Variants in PI15 observed in about 807,000 individuals in gnomAD.
The protein encoded by PI15 is 25 kDa trypsin inhibitor.
In PI15, 18 loss-of-function variants were observed where a neutral mutation model predicts 31.0. That is an observed-to-expected ratio of 0.58 (90% confidence interval 0.40 to 0.86). PI15 has a LOEUF of 0.86. PI15 is among the 40% of genes least tolerant of loss of function. The pLI is 0.00. For synonymous variants in PI15, 118 were observed against 119.1 expected, an observed-to-expected ratio of 0.99 and a Z score of 0.06; for missense variants, 282 against 328.1, an observed-to-expected ratio of 0.86 and a Z score of 1.09.
At chr8:74,848,722 T>C (rs1025310264) in intron 5 of PI15, among the ~76,000 whole-genome samples, 2 of 143,058 alleles carry the variant, frequency 1.4e-5, no homozygotes, top group African/African-American at 5.3e-5. Context: ...TAAATATATA[T>C]ATATATATAT....
rs139424367 is a variant in PI15, at chr8:74,827,478, G to T, written c.273+1956G>T. The stretch of plus-strand genomic sequence containing the variant: ...AAGGACTTGACTAATTGTTTCCATA[G>T]ACGATCTCATTTGATAGCTCACATT... On this transcript the variant is annotated intron_variant, in intron 2 of 5. Transcript: ENST00000260113. Among the ~76,000 whole-genome samples the T allele has an allele frequency of 7.9e-3, 1,209 of 152,100 alleles. 7 individuals carry two copies. Among genetic ancestry groups the T allele is most frequent in the Non-Finnish European group, 0.011 (752 of 67,978 alleles).
chr8:74,854,816 C>G lies in PI15; in HGVS notation c.*5563C>G, dbSNP rs1811157874. On this transcript the variant is annotated 3_prime_UTR_variant, in exon 6 of 6. Transcript: ENST00000260113. ...TTATATAATCCTCAAATATACTGTA[C>G]CATTTTAGATATTTTTTAAACAGAT... 6.6e-6 allele frequency: 1 copy of G among 151,934 alleles called. No homozygotes were observed. The highest frequency in any genetic ancestry group is 1.9e-4 in the East Asian group (1 of 5,180). 9.4% of individuals were successfully genotyped at this position (151,934 alleles called of 1,614,324 possible).
rs2128762914 is a variant in PI15 at position 74,825,223 on chromosome 8, G to A, written c.-27G>A. The A allele has an allele frequency of 6.2e-7, 1 of 1,608,064 alleles. No individual in the cohort carries two copies. The highest frequency in any genetic ancestry group is 8.5e-7 in the Non-Finnish European group (1 of 1,175,878). ...TCTGCTTTAAAGCAAAGTAAACTCG[G>A]TGGCCTCTTCTTCTCCACCCCTCAA... On this transcript the variant is annotated 5_prime_UTR_variant, in exon 2 of 6. It adds an upstream start codon to the 5' untranslated region. Coordinates refer to ENST00000260113, the MANE Select transcript of PI15 (RefSeq NM_015886.5).
At chr8:74,830,952 C>T (rs1321978611) in intron 2 of PI15, among the ~76,000 whole-genome samples, 1 of 152,136 alleles carries the variant, frequency 6.6e-6, no homozygotes, top group Non-Finnish European at 1.5e-5. Flanking sequence ...TTCCTGCTCT[C>T]CTGGATGTAA....
rs558524153 is a variant in PI15, at chr8:74,853,955, G to T, written c.*4702G>T. 289 of 151,874 alleles carry T rather than the reference G, an allele frequency of 1.9e-3. 2 individuals carry two copies. The highest frequency in any genetic ancestry group is 6.4e-3 in the African/African-American group (266 of 41,478). The allele number at this position is 151,874 out of a possible 1,614,324, so 9.4% of individuals were successfully genotyped here. A position where few individuals can be genotyped will look rare whatever the true frequency, so the allele number is the denominator to read the frequency against. On this transcript the variant is annotated 3_prime_UTR_variant, in exon 6 of 6. Coordinates refer to ENST00000260113, the MANE Select transcript of PI15 (RefSeq NM_015886.5). ...AGGTATAATTGTCTCACTTTCAGAA[G>T]TGATCATTTATTTTTATTTAGCACA...
chr8:74,829,621 C>T (rs1412743571), intron 2 of PI15, among the ~76,000 whole-genome samples: 1 of 152,078 alleles, frequency 6.6e-6, no homozygotes, highest in African/African-American at 2.4e-5. Context: ...AGAAAACAAA[C>T]ATTTTTGTCT....
At chr8:74,840,594 C>T (rs896128803) in intron 2 of PI15, among the ~76,000 whole-genome samples, 2 of 152,188 alleles carry the variant, frequency 1.3e-5, no homozygotes, top group African/African-American at 4.8e-5. Flanking sequence ...TTTCACAGCT[C>T]ACTACTCAAG....
chr8:74,843,603 C>T (rs575561156), intron 2 of PI15, among the ~76,000 whole-genome samples: 2 of 152,264 alleles, frequency 1.3e-5, no homozygotes, highest in South Asian at 4.1e-4. Context: ...GTAGTGCGCA[C>T]CTGCAATCCT....
At chr8:74,849,075 G>A in intron 5 of PI15, 43 bp from the exon 6 acceptor site, 1 of 1,574,826 alleles carries the variant, frequency 6.3e-7, no homozygotes, top group Non-Finnish European at 8.7e-7. Context: ...TTTAAAAAAT[G>A]GGTGGGTTGC....
intron 2 of PI15, among the ~76,000 whole-genome samples, chr8:74,842,457 G>A (rs1301860371): frequency 3.9e-5 from 6 of 152,016 alleles, no homozygotes; most frequent in African/African-American, 1.4e-4. Context: ...ATTGAACTAT[G>A]AAACCAATTT....
intron 2 of PI15, chr8:74,826,404 A>T (rs1810701105): frequency 3.1e-6 from 1 of 320,842 alleles, no homozygotes; most frequent in Admixed American, 6.5e-5. Context: ...GTGCTGAATT[A>T]AAATTTGGGA....
intron 2 of PI15, among the ~76,000 whole-genome samples, chr8:74,830,983 T>A (rs1159382223): frequency 6.6e-6 from 1 of 152,152 alleles, no homozygotes; most frequent in Non-Finnish European, 1.5e-5. Context: ...ATGTCTTGGC[T>A]TCAGAAAGAG....
intron 2 of PI15, among the ~76,000 whole-genome samples, chr8:74,832,767 C>A (rs1345478270): frequency 6.6e-6 from 1 of 151,986 alleles, no homozygotes; most frequent in Non-Finnish European, 1.5e-5. Flanking sequence ...TCCATAGTAT[C>A]TGAAATCAGG....
Position 74,828,364 on chromosome 8 carries a change from T to C in PI15, c.273+2842T>C, listed in dbSNP as rs1198663740. On this transcript the variant is annotated intron_variant, in intron 2 of 5. Transcript: ENST00000260113. ...AGTTCAGTTAGAAAAATGTGCTCAA[T>C]TGAGTGAAATCATAAGTTAGAAGGA... 2.6e-5 allele frequency among the ~76,000 whole-genome samples: 4 copies of C among 151,948 alleles called. No homozygotes were observed. The South Asian group carries it at 6.2e-4, about 24-fold the overall frequency.
chr8:74,852,020 C>T lies in PI15; in HGVS notation c.*2767C>T, dbSNP rs1811115263. ...GCAAATGAAAGTTTGCTGGTATCAA[C>T]ACAGCCTGCCATATTTTTCACAGCA... On this transcript the variant is annotated 3_prime_UTR_variant, in exon 6 of 6. Coordinates refer to ENST00000260113, the MANE Select transcript of PI15 (RefSeq NM_015886.5). The T allele has an allele frequency of 6.6e-6, 1 of 152,510 alleles. No homozygotes were observed. The highest frequency in any genetic ancestry group is 1.5e-5 in the Non-Finnish European group (1 of 67,972). 9.4% of individuals were successfully genotyped at this position (152,510 alleles called of 1,614,324 possible).
chr8:74,844,879 C>T (rs879940054), intron 3 of PI15: 2 of 421,636 alleles, frequency 4.7e-6, no homozygotes, highest in African/African-American at 2.0e-5. Flanking sequence ...GCATTTTCTT[C>T]GTGGAATGAC....
rs773725218 is a variant in PI15 at position 74,825,530 on chromosome 8, G to A, written c.273+8G>A. The A allele has an allele frequency of 3.3e-6, 5 of 1,523,014 alleles. No individual in the cohort carries two copies. Among genetic ancestry groups the A allele is most frequent in the South Asian group, 1.1e-5 (1 of 87,166 alleles). 94.3% of individuals were successfully genotyped at this position (1,523,014 alleles called of 1,614,324 possible). On this transcript the variant is annotated splice_region_variant and intron_variant, in intron 2 of 5. Coordinates refer to ENST00000260113, the MANE Select transcript of PI15 (RefSeq NM_015886.5). ...GCAAATATGGAATATATGGTAAGAA[G>A]AATTCTTTTTTTTTTTTTTAAGTTC...
chr8:74,831,617 G>T (rs970949684), intron 2 of PI15, among the ~76,000 whole-genome samples: 3 of 152,100 alleles, frequency 2.0e-5, no homozygotes, highest in African/African-American at 7.2e-5. Context: ...GAAGTACTGT[G>T]AACAGACAAG....
In PI15 at chr8:74,853,979, C is replaced by T. The variant is rs1010345748; in HGVS notation, c.*4726C>T. On this transcript the variant is annotated 3_prime_UTR_variant, in exon 6 of 6. Transcript: ENST00000260113. ...AGTGATCATTTATTTTTATTTAGCA[C>T]AGGTCATAAGAAAAATATATAGAAA... The T allele has an allele frequency of 6.6e-5, 10 of 151,762 alleles. No individual in the cohort carries two copies. The highest frequency in any genetic ancestry group is 2.4e-4 in the African/African-American group (10 of 41,332). The allele number at this position is 151,762 out of a possible 1,614,324, so 9.4% of individuals were successfully genotyped here.
Sources: allele counts gnomAD v4.1 joint callset (sites outside exome capture counted in the v4.1 genomes callset), GRCh38; gene constraint gnomAD v4.1.1; transcripts MANE v1.5; gene names NCBI Gene and HGNC (gene_info 2026-07-23, HGNC 2026-07-21).